Variants in DMD observed in about 807,000 individuals in gnomAD.
The protein encoded by DMD is dystrophin.
A neutral mutation model predicts 330.1 loss-of-function variants in DMD; 63 were observed. The ratio of observed to expected loss-of-function variants is 0.19; its 90% confidence interval spans 0.16 to 0.24. The LOEUF is 0.24. Ranked by LOEUF, DMD falls within the 10% of genes least tolerant of loss-of-function variation. DMD has a pLI of 1.00. For missense variants in DMD, 3,344 were observed against 2,684.1 expected, an observed-to-expected ratio of 1.25 and a Z score of -5.43; for synonymous variants, 1,223 against 959.8, an observed-to-expected ratio of 1.27 and a Z score of -5.07.
At chrX:32,748,363 AAG>A (rs1159431018) in intron 7 of DMD, among the ~76,000 whole-genome samples, 9 of 109,873 alleles carry the variant, frequency 8.2e-5, no homozygotes, top group African/African-American at 2.7e-4. Context: ...AAAAAAAGAA[AAG>A]AAAAGAAAAG....
intron 60 of DMD, among the ~76,000 whole-genome samples, chrX:31,439,962 A>C (rs2064813028): frequency 1.8e-5 from 2 of 111,576 alleles, no homozygotes; most frequent in Non-Finnish European, 3.8e-5. Flanking sequence ...ATAATGCTTT[A>C]AAATTTTATA....
intron 1 of DMD, among the ~76,000 whole-genome samples, chrX:33,042,956 C>T (rs1055227058): frequency 3.7e-4 from 41 of 111,893 alleles, no homozygotes; most frequent in African/African-American, 1.1e-3. Context: ...CACACGAATG[C>T]ATGGTTCTAT....
intron 1 of DMD, among the ~76,000 whole-genome samples, chrX:33,079,419 T>A (rs752859803): frequency 1.6e-4 from 18 of 111,906 alleles, no homozygotes; most frequent in Non-Finnish European, 3.2e-4. Flanking sequence ...AGGAAATTTG[T>A]TACCTCTGTG....
intron 16 of DMD, among the ~76,000 whole-genome samples, chrX:32,558,945 T>TTTTTC (rs2050662715): frequency 2.0e-4 from 8 of 40,125 alleles, no homozygotes; most frequent in African/African-American, 5.3e-4. Flanking sequence ...TTTCTTTTTT[T>TTTTTC]TTTTTTTTTT....
chrX:31,869,318 TAG>T (rs1034018857), intron 48 of DMD, among the ~76,000 whole-genome samples: 12 of 110,616 alleles, frequency 1.1e-4, no homozygotes, highest in African/African-American at 3.0e-4. Context: ...ATGGTAGAGA[TAG>T]AGTTTCAGTA....
chrX:32,329,069 C>A (rs748343274), intron 41 of DMD, among the ~76,000 whole-genome samples: 3 of 111,465 alleles, frequency 2.7e-5, no homozygotes, highest in Non-Finnish European at 3.8e-5. Context: ...CATTAAATAC[C>A]TGCTCTGTGA....
rs963608336 is a variant in DMD at position 31,121,491 on chromosome X, CT to C, written c.*427del. 10 of 169,233 alleles carry C rather than the reference CT, an allele frequency of 5.9e-5. No homozygotes were observed. Among genetic ancestry groups the C allele is most frequent in the African/African-American group, 9.5e-5 (3 of 31,717 alleles). The allele number at this position is 169,233 out of a possible 1,213,427, so 13.9% of individuals were successfully genotyped here. On this transcript the variant is annotated 3_prime_UTR_variant, in exon 79 of 79. Transcript: ENST00000357033. ...TGTTTTTAGGGGTTTTTATAAACAACTTTTTTTTATAAAGCACACTTTAGTT... is the reference window on the plus strand; with the variant it reads ...TGTTTTTAGGGGTTTTTATAAACAACTTTTTTTATAAAGCACACTTTAGTT...
At chrX:31,248,583 G>C (rs1463123332) in intron 63 of DMD, among the ~76,000 whole-genome samples, 1 of 111,449 alleles carries the variant, frequency 9.0e-6, no homozygotes, top group Non-Finnish European at 1.9e-5. Flanking sequence ...AGGGTTGGTT[G>C]CCTTACTGTC....
At chrX:32,323,265 T>G (rs770254718) in intron 41 of DMD, among the ~76,000 whole-genome samples, 1 of 111,744 alleles carries the variant, frequency 8.9e-6, no homozygotes, top group Non-Finnish European at 1.9e-5. Flanking sequence ...ATATAAATAA[T>G]TTGAGTATTC....
At chrX:32,617,084 T>A (rs996410556) in intron 11 of DMD, among the ~76,000 whole-genome samples, 7 of 110,517 alleles carry the variant, frequency 6.3e-5, no homozygotes, top group Non-Finnish European at 1.3e-4. Context: ...AGAAAGGGGT[T>A]ACCATACAGA....
chrX:31,583,915 G>A (rs1472405201), intron 55 of DMD, among the ~76,000 whole-genome samples: 2 of 44,431 alleles, frequency 4.5e-5, no homozygotes, highest in African/African-American at 1.0e-4. Context: ...CCCCTCCCCC[G>A]ACCCCACAAC....
At chrX:32,887,330 G>C (rs1297391775) in intron 2 of DMD, among the ~76,000 whole-genome samples, 1 of 103,764 alleles carries the variant, frequency 9.6e-6, no homozygotes, top group African/African-American at 3.6e-5. Context: ...CTGGATGACA[G>C]AGCAAGAATC....
chrX:31,174,756 T>C (rs1314181663), intron 71 of DMD, among the ~76,000 whole-genome samples: 1 of 111,795 alleles, frequency 8.9e-6, no homozygotes, highest in Non-Finnish European at 1.9e-5. Flanking sequence ...GTAGCTAAGC[T>C]TGCATTAGAA....
chrX:31,708,059 G>T (rs2084333269), intron 52 of DMD, among the ~76,000 whole-genome samples: 1 of 111,731 alleles, frequency 9.0e-6, no homozygotes, highest in African/African-American at 3.2e-5. Context: ...ATATGTAAAA[G>T]CATTCCATCA....
chrX:31,435,159 C>T (rs1438111819), intron 60 of DMD, among the ~76,000 whole-genome samples: 1 of 111,599 alleles, frequency 9.0e-6, no homozygotes, highest in Non-Finnish European at 1.9e-5. Context: ...TTGTACCTCC[C>T]TCACTGGGTT....
chrX:32,400,415 T>C (rs934169025), intron 30 of DMD, among the ~76,000 whole-genome samples: 4 of 111,491 alleles, frequency 3.6e-5, no homozygotes, highest in South Asian at 7.5e-4. Context: ...TGGTCTAAAA[T>C]TCTCTTTTTT....
At position 32,310,100 on chromosome X, in the gene DMD, C is replaced by T. The variant is rs2097556290; in HGVS notation, c.6099G>A (p.Lys2033=). 8.3e-7 allele frequency: 1 copy of T among 1,207,107 alleles called. No homozygotes were observed. Among genetic ancestry groups the T allele is most frequent in the African/African-American group, 1.8e-5 (1 of 57,003 alleles). Residue 2033 remains lysine, a synonymous_variant, in exon 42 of 79, where the codon AAG becomes AAA. Transcript: ENST00000357033. ...LCAKDFEDLF[K]QEESLKNIKD... The stretch of plus-strand genomic sequence containing the variant: ...GTTTTACCTTCAGAGACTCCTCTTG[C>T]TTAAAGAGATCTTCAAAGTCCTTAG...
chrX:32,897,095 G>GTT (rs145610684), intron 2 of DMD, among the ~76,000 whole-genome samples: 30 of 109,373 alleles, frequency 2.7e-4, no homozygotes, highest in South Asian at 7.9e-4. Context: ...CATTTTATGC[G>GTT]TTTTTTTTAT....
chrX:31,262,655 T>A (rs757521630), intron 62 of DMD, among the ~76,000 whole-genome samples: 3 of 112,596 alleles, frequency 2.7e-5, no homozygotes, highest in African/African-American at 6.4e-5. Flanking sequence ...CAAGGGCTTA[T>A]CAGTTGAGGG....
Sources: allele counts gnomAD v4.1 joint callset (sites outside exome capture counted in the v4.1 genomes callset), GRCh38; gene constraint gnomAD v4.1.1; transcripts MANE v1.5; gene names NCBI Gene and HGNC (gene_info 2026-07-23, HGNC 2026-07-21).